Variants in PGAP6 observed in about 807,000 individuals in gnomAD.
PGAP6 encodes the protein post-GPI attachment to proteins 6.
A neutral mutation model predicts 68.4 loss-of-function variants in PGAP6; 62 were observed. The observed-to-expected ratio is 0.91, with a 90% CI of 0.74 to 1.12. The LOEUF (loss-of-function observed/expected upper bound fraction) is 1.12, where lower values mean the gene tolerates loss of function less well. Among genes scored for constraint, PGAP6 ranks in the 50% most tolerant of loss-of-function variants. The probability of loss-of-function intolerance (pLI) is 0.00; values close to 1 mark genes in which losing one functional copy is unlikely to be tolerated. For synonymous variants in PGAP6, 575 were observed against 474.0 expected (o/e 1.21, Z -2.77); for missense variants, 1,188 against 1,068.5 (o/e 1.11, Z -1.56).
chr16:382,187 G>A (rs894040992), upstream of PGAP6: 17 of 391,636 alleles, frequency 4.3e-5, 1 homozygote, highest in African/African-American at 3.1e-4. Flanking sequence ...AGGGATCGCG[G>A]GGGTCCCAGG....
chr16:384,876 G>C (rs527269730), upstream of PGAP6, among the ~76,000 whole-genome samples: 1 of 149,986 alleles, frequency 6.7e-6, no homozygotes, highest in Non-Finnish European at 1.5e-5. Context: ...AAAAAGTAAC[G>C]GAGAGGCCGT....
intron 1 of PGAP6, among the ~76,000 whole-genome samples, chr16:380,248 C>G (rs1158908473): frequency 6.6e-6 from 1 of 152,354 alleles, no homozygotes; most frequent in East Asian, 1.9e-4. Flanking sequence ...GAGGGTCTCA[C>G]TCTGTCACCC....
intron 11 of PGAP6, among the ~76,000 whole-genome samples, chr16:373,496 C>A (rs1049887780): frequency 8.5e-5 from 13 of 152,240 alleles, no homozygotes; most frequent in Non-Finnish European, 8.8e-5. Context: ...ACTGCCCCCT[C>A]ACAACTGCCT....
At position 374,045 on chromosome 16, in the gene PGAP6, G is replaced by A. The variant is rs1366715378; in HGVS notation, c.1862C>T (p.Thr621Ile). 4 of 1,611,682 alleles carry A rather than the reference G, an allele frequency of 2.5e-6. No individual in the cohort carries two copies. The highest frequency in any genetic ancestry group is 3.4e-6 in the Non-Finnish European group (4 of 1,179,934). ...FLGSGAAIWV[T>I]ILCMARLKTV... ...CTTGAGCCGTGCCATGCACAGGATG[G>A]TGACCCAGATGGCCGCCCCGGAGCC... Residue 621 changes from threonine (T) to isoleucine (I), a missense_variant, in exon 11 of 13, where the codon ACC (threonine) becomes ATC (isoleucine). Transcript: ENST00000431232.
Position 377,151 on chromosome 16 carries a change from G to A in PGAP6, c.521C>T (p.Thr174Ile), listed in dbSNP as rs1317055248. The change falls in exon 4 of 13, where the codon ACC becomes ATC. Residue 174 changes from threonine (T) to isoleucine (I), a missense_variant. Transcript: ENST00000431232. ...TTCAGGCTGGAAGACGTAGGCACAGGTGGGAGCCAAGCCCTAGGGAAAGAA... is the reference window on the plus strand; with the variant it reads ...TTCAGGCTGGAAGACGTAGGCACAGATGGGAGCCAAGCCCTAGGGAAAGAA... ...QKIELKGLAP[T>I]CAYVFQPELL... 5.0e-6 allele frequency: 8 copies of A among 1,613,412 alleles called. No individual in the cohort carries two copies. The African/African-American group carries it at 9.3e-5, about 19-fold the overall frequency.
At chr16:372,414 G>C (rs1345954817) in intron 12 of PGAP6, 131 bp from the exon 13 acceptor site, 3 of 1,096,660 alleles carry the variant, frequency 2.7e-6, no homozygotes, top group East Asian at 4.8e-5. Flanking sequence ...GCTGCTTCGA[G>C]GGGGCTCAAG....
upstream of PGAP6, among the ~76,000 whole-genome samples, chr16:383,812 T>C (rs1039790376): frequency 1.3e-5 from 2 of 151,346 alleles, no homozygotes; most frequent in Non-Finnish European, 3.0e-5. Flanking sequence ...CATACCTGTT[T>C]GTACCTTTTG....
intron 3 of PGAP6, 69 bp downstream of exon 3, chr16:377,306 AGAG>A (rs2054393649): frequency 1.3e-6 from 2 of 1,559,400 alleles, no homozygotes; most frequent in Admixed American, 3.7e-5. Context: ...ACCACCCCAA[AGAG>A]GTGAACGGCA....
chr16:377,831 C>A lies in PGAP6; in HGVS notation c.139G>T (p.Glu47Ter). The stretch of plus-strand genomic sequence containing the variant: ...CTCTGCGGGGCCTGCGAGAAGTGCT[C>A]GGACACCAGCCCCACCTCTGTGAGG... ...SGKSEVGLVS[E>*]HFSQAPQRLS... The change falls in exon 2 of 13, where the codon GAG becomes TAG. Residue 47 changes from glutamate to a stop codon, truncating the protein, a stop_gained. Coordinates refer to ENST00000431232, the MANE Select transcript of PGAP6 (RefSeq NM_021259.3). LOFTEE classifies it high-confidence loss of function. 6.4e-7 allele frequency: 1 copy of A among 1,560,038 alleles called. No homozygotes were observed. The highest frequency in any genetic ancestry group is 2.4e-5 in the East Asian group (1 of 41,820).
At chr16:380,292 C>T (rs2363755) in intron 1 of PGAP6, among the ~76,000 whole-genome samples, 4 of 151,624 alleles carry the variant, frequency 2.6e-5, no homozygotes, top group Non-Finnish European at 4.4e-5. Flanking sequence ...CACGGCTCAC[C>T]GCAGCCTCAG....
Position 377,120 on chromosome 16 carries a change from CA to C in PGAP6, c.551del (p.Leu184ArgfsTer97). ...TGGAAATCTCGACCACCCGCGTGAC[CA>C]GCAGTTCAGGCTGGAAGACGTAGGC... ...TCAYVFQPELLVTRVVEISIM... is the reference protein window; with the variant it reads ...TCAYVFQPELXVTRVVEISIM... On this transcript the variant is annotated frameshift_variant, in exon 4 of 13. Transcript: ENST00000431232. LOFTEE classifies it high-confidence loss of function. 6.2e-7 allele frequency: 1 copy of C among 1,613,658 alleles called. No individual in the cohort carries two copies. The highest frequency in any genetic ancestry group is 8.5e-7 in the Non-Finnish European group (1 of 1,179,996).
upstream of PGAP6, chr16:386,624 T>C (rs13334283): frequency 1.1e-3 from 361 of 337,854 alleles, 2 homozygotes; most frequent in African/African-American, 7.4e-3. Context: ...TGGGGCTTTT[T>C]TAGGCTCAAC....
upstream of PGAP6, among the ~76,000 whole-genome samples, chr16:385,618 A>AT (rs71139779): frequency 0.072 from 5,552 of 76,944 alleles, 1,423 homozygotes; most frequent in African/African-American, 0.18. Context: ...GCCTACTCTG[A>AT]TTTTTTTTTT....
chr16:379,550 C>T (rs980601580), intron 1 of PGAP6, among the ~76,000 whole-genome samples: 7 of 152,226 alleles, frequency 4.6e-5, no homozygotes, highest in Non-Finnish European at 8.8e-5. Flanking sequence ...ACCACGGTGT[C>T]CCGGAGAAAG....
upstream of PGAP6, chr16:382,558 G>A (rs2054453281): frequency 3.3e-6 from 1 of 302,284 alleles, no homozygotes; most frequent in South Asian, 1.6e-4. Flanking sequence ...TCGGGGTGGC[G>A]GTTCACACGG....
intron 1 of PGAP6, among the ~76,000 whole-genome samples, chr16:378,651 C>T (rs141445542): frequency 1.6e-4 from 25 of 152,336 alleles, no homozygotes; most frequent in African/African-American, 5.5e-4. Context: ...AAGGCACGGT[C>T]CTCCCACCTC....
chr16:372,846 C>T, intron 11 of PGAP6, 119 bp from the exon 12 acceptor site: 1 of 673,958 alleles, frequency 1.5e-6, no homozygotes, highest in East Asian at 2.7e-5. Flanking sequence ...TGCTGCCACC[C>T]TCAGACCAGC....
At chr16:382,364 G>C, upstream of PGAP6, 1 of 383,988 alleles carries the variant, frequency 2.6e-6, no homozygotes, top group African/African-American at 2.1e-5. Flanking sequence ...ACCTCCGCCT[G>C]GGACCGAGAG....
chr16:373,942 C>T (rs887527971), intron 11 of PGAP6, 63 bp downstream of exon 11: 29 of 1,513,438 alleles, frequency 1.9e-5, no homozygotes, highest in Middle Eastern at 1.8e-4. Flanking sequence ...TACTGCCTTT[C>T]GCAGGCTGCA....
Sources: gnomAD v4.1 joint callset for allele counts (sites outside exome capture counted in the v4.1 genomes callset) on GRCh38, gnomAD v4.1.1 for gene constraint, MANE v1.5 for transcripts, NCBI Gene and HGNC (gene_info 2026-07-23, HGNC 2026-07-21) for gene names.